Variants in ASTN2 observed in about 807,000 individuals in gnomAD.
The protein encoded by ASTN2 is astrotactin 2, also known as astrotactin-2.
Under a neutral mutation model 139.8 loss-of-function variants are expected in ASTN2, and 54 were observed. That is an observed-to-expected ratio of 0.39 (90% CI 0.31 to 0.48). The LOEUF is 0.48. Ranked by LOEUF, ASTN2 falls within the 20% of genes least tolerant of loss-of-function variation. The pLI, the probability that ASTN2 is intolerant of heterozygous loss-of-function variation, is 0.95. For synonymous variants in ASTN2, 756 were observed against 719.5 expected, an observed-to-expected ratio of 1.05 and a Z score of -0.81; for missense variants, 1,565 against 1,725.1, an observed-to-expected ratio of 0.91 and a Z score of 1.64.
intron 13 of ASTN2, among the ~76,000 whole-genome samples, chr9:116,800,067 C>T (rs935849231): frequency 2.0e-5 from 3 of 152,162 alleles, no homozygotes; most frequent in Admixed American, 1.3e-4. Flanking sequence ...AAGCCCCATT[C>T]CCTTCCGAGG....
At chr9:117,389,032 A>G (rs944178180) in intron 1 of ASTN2, among the ~76,000 whole-genome samples, 1 of 152,228 alleles carries the variant, frequency 6.6e-6, no homozygotes, top group African/African-American at 2.4e-5. Flanking sequence ...TGCTACTCCA[A>G]TAGTATGCGT....
chr9:117,070,009 A>C (rs934031267), intron 5 of ASTN2, among the ~76,000 whole-genome samples: 18 of 149,596 alleles, frequency 1.2e-4, no homozygotes, highest in African/African-American at 2.7e-4. Context: ...GTCCATTTAC[A>C]CTTAAAGTTA....
At chr9:117,381,326 T>C (rs1380001402) in intron 1 of ASTN2, among the ~76,000 whole-genome samples, 2 of 152,128 alleles carry the variant, frequency 1.3e-5, no homozygotes, top group Non-Finnish European at 2.9e-5. Flanking sequence ...GTGATATGGC[T>C]TGGATATTTG....
chr9:117,103,158 A>T (rs1587966290), intron 4 of ASTN2, among the ~76,000 whole-genome samples: 1 of 152,162 alleles, frequency 6.6e-6, no homozygotes, highest in East Asian at 1.9e-4. Context: ...TCATTTACTC[A>T]GGGCCCATGC....
intron 1 of ASTN2, among the ~76,000 whole-genome samples, chr9:117,367,267 G>T (rs1232540754): frequency 2.0e-5 from 3 of 152,240 alleles, no homozygotes; most frequent in Middle Eastern, 3.4e-3. Flanking sequence ...TAACAGCAAG[G>T]CCACCCACTT....
intron 11 of ASTN2, among the ~76,000 whole-genome samples, chr9:116,849,576 A>G (rs1302824835): frequency 6.6e-6 from 1 of 152,208 alleles, no homozygotes; most frequent in Non-Finnish European, 1.5e-5. Flanking sequence ...GTTTAAAGCA[A>G]CTTGTCTCAT....
At chr9:117,125,583 C>G (rs552733908) in intron 4 of ASTN2, among the ~76,000 whole-genome samples, 1 of 152,300 alleles carries the variant, frequency 6.6e-6, no homozygotes, top group South Asian at 2.1e-4. Flanking sequence ...TTTGGAGTCT[C>G]TCTTGGCTAA....
intron 18 of ASTN2, among the ~76,000 whole-genome samples, chr9:116,619,989 C>A (rs191203968): frequency 6.6e-6 from 1 of 151,936 alleles, no homozygotes; most frequent in African/African-American, 2.4e-5. Context: ...ATCTCAGTAG[C>A]CCCATTGCCC....
chr9:116,664,187 A>T (rs1858727767), intron 16 of ASTN2, among the ~76,000 whole-genome samples: 1 of 152,126 alleles, frequency 6.6e-6, no homozygotes, highest in African/African-American at 2.4e-5. Flanking sequence ...GATTGGAGTA[A>T]TCACAAATAT....
chr9:116,964,769 C>T (rs1011700053), intron 10 of ASTN2, among the ~76,000 whole-genome samples: 44 of 152,108 alleles, frequency 2.9e-4, no homozygotes, highest in African/African-American at 1.1e-3. Context: ...ACATGGAGGC[C>T]TTTACTCTGC....
At chr9:116,788,667 C>T (rs916705221) in intron 13 of ASTN2, among the ~76,000 whole-genome samples, 12 of 152,064 alleles carry the variant, frequency 7.9e-5, no homozygotes, top group African/African-American at 2.9e-4. Flanking sequence ...CAGAAATTGT[C>T]TTAGACAATA....
intron 20 of ASTN2, among the ~76,000 whole-genome samples, chr9:116,475,622 A>G (rs1272575796): frequency 6.6e-6 from 1 of 152,212 alleles, no homozygotes; most frequent in African/African-American, 2.4e-5. Context: ...GTCTTTTCTT[A>G]ACTTGAATAA....
chr9:116,510,608 A>G (rs1850332316), intron 19 of ASTN2, among the ~76,000 whole-genome samples: 1 of 152,136 alleles, frequency 6.6e-6, no homozygotes, highest in Admixed American at 6.6e-5. Context: ...GGCCATTTTC[A>G]TGATATTGAT....
Position 116,487,630 on chromosome 9 carries a change from G to A in ASTN2, c.3356-130C>T. On this transcript the variant is annotated intron_variant, in intron 19 of 22. Coordinates refer to ENST00000313400, the MANE Select transcript of ASTN2 (RefSeq NM_001365068.1). ...AAAATAATGGATAGAAAAAGCAAAA[G>A]ATATGAAAATGAAACAGATTTGTAT... The A allele has an allele frequency of 4.3e-6, 4 of 936,400 alleles. No individual in the cohort carries two copies. The South Asian group carries it at 7.9e-5, about 18-fold the overall frequency. 58.0% of individuals were successfully genotyped at this position (936,400 alleles called of 1,614,324 possible).
chr9:117,105,577 C>T (rs182133275), intron 4 of ASTN2, among the ~76,000 whole-genome samples: 4 of 152,204 alleles, frequency 2.6e-5, no homozygotes, highest in African/African-American at 4.8e-5. Flanking sequence ...TCCTGGAATC[C>T]GTGAGTATAA....
intron 10 of ASTN2, among the ~76,000 whole-genome samples, chr9:116,931,934 A>G (rs1834909170): frequency 6.6e-6 from 1 of 152,140 alleles, no homozygotes; most frequent in African/African-American, 2.4e-5. Context: ...GGCAATAGCA[A>G]TCACAAAGGG....
intron 5 of ASTN2, among the ~76,000 whole-genome samples, chr9:117,058,893 T>C (rs1839150575): frequency 6.6e-6 from 1 of 152,054 alleles, no homozygotes; most frequent in South Asian, 2.1e-4. Context: ...CAATGTAAAA[T>C]GCACTGAAAA....
intron 13 of ASTN2, among the ~76,000 whole-genome samples, chr9:116,787,432 T>A (rs937722185): frequency 1.3e-5 from 2 of 152,230 alleles, no homozygotes; most frequent in Non-Finnish European, 2.9e-5. Context: ...TGAAATGTAA[T>A]CATCAAGGAA....
intron 13 of ASTN2, among the ~76,000 whole-genome samples, chr9:116,759,031 C>A: frequency 6.6e-6 from 1 of 152,164 alleles, no homozygotes; most frequent in East Asian, 1.9e-4. Flanking sequence ...AGCGTACCGC[C>A]ATGCCCTGCT....
Sources: gnomAD v4.1 joint callset for allele counts (sites outside exome capture counted in the v4.1 genomes callset) on GRCh38, gnomAD v4.1.1 for gene constraint, MANE v1.5 for transcripts, NCBI Gene and HGNC (gene_info 2026-07-23, HGNC 2026-07-21) for gene names.